The following TESK2 variants were observed in gnomAD, a reference collection of about 807,000 sequenced individuals.
TESK2 encodes dual specificity testis-specific protein kinase 2.
TESK2 carries 39 observed loss-of-function variants against 57.1 expected under a neutral mutation model. The observed-to-expected ratio is 0.68, with a 90% confidence interval of 0.53 to 0.89. The LOEUF (loss-of-function observed/expected upper bound fraction) is 0.89, where lower values mean the gene tolerates loss of function less well. Ranked by LOEUF, TESK2 falls within the 40% of genes least tolerant of loss-of-function variation. The pLI is 0.00. For missense variants in TESK2, 646 were observed against 732.1 expected, an observed-to-expected ratio of 0.88 and a Z score of 1.36; for synonymous variants, 249 against 267.9, an observed-to-expected ratio of 0.93 and a Z score of 0.69.
At chr1:45,436,178 C>CTTATTTTTTTTTTTTTT (rs1557573084) in intron 2 of TESK2, among the ~76,000 whole-genome samples, 1 of 12,970 alleles carries the variant, frequency 7.7e-5, no homozygotes, top group Non-Finnish European at 2.1e-4. Context: ...ACATTGGTAT[C>CTTATTTTTTTTTTTTTT]TTCTTTTTTT....
intron 1 of TESK2, among the ~76,000 whole-genome samples, chr1:45,478,617 C>A (rs555063804): frequency 3.3e-5 from 5 of 152,280 alleles, no homozygotes; most frequent in Admixed American, 3.3e-4. Flanking sequence ...TCTTACGGGC[C>A]AGGCACTATG....
chr1:45,346,765 G>A lies in TESK2; in HGVS notation c.807C>T (p.Asp269=). 1 of 1,614,098 alleles carries A rather than the reference G, an allele frequency of 6.2e-7. No homozygotes were observed. Among genetic ancestry groups the A allele is most frequent in the African/African-American group, 1.3e-5 (1 of 75,058 alleles). ...CCACCATGTGCTGGAAAGCATCATA[G>A]TCCAGCCCGAAATTCTGTGGATGGG... ...YLPRTENFGL[D]YDAFQHMVGD... is the part of the protein sequence containing the mutation. The change falls in exon 9 of 11, where the codon GAC becomes GAT. Residue 269 remains aspartate (D), a synonymous_variant. Coordinates refer to ENST00000372086, the MANE Select transcript of TESK2 (RefSeq NM_007170.3).
At chr1:45,474,866 A>T (rs1170640078) in intron 1 of TESK2, among the ~76,000 whole-genome samples, 1 of 151,662 alleles carries the variant, frequency 6.6e-6, no homozygotes, top group Non-Finnish European at 1.5e-5. Flanking sequence ...ATATGAAATA[A>T]CACAAAACTA....
chr1:45,417,600 T>TC (rs1365141252), intron 3 of TESK2, among the ~76,000 whole-genome samples: 1 of 150,262 alleles, frequency 6.7e-6, no homozygotes, highest in African/African-American at 2.4e-5. Flanking sequence ...TATGTTTTCT[T>TC]TTTTTTTTTG....
rs1427656681 is a variant in TESK2, at chr1:45,433,473, C to T, written c.223-11627G>A. Reference sequence around the variant, plus strand: ...TTCCCAGCCTCTGGTAACTATCATTCTACTCTTTACCTCTATGAGATCAAC... The same window carrying T: ...TTCCCAGCCTCTGGTAACTATCATTTTACTCTTTACCTCTATGAGATCAAC... On this transcript the variant is annotated intron_variant, in intron 2 of 10. Transcript: ENST00000372086. Among the ~76,000 whole-genome samples, 3 of 152,146 alleles carry T rather than the reference C, an allele frequency of 2.0e-5. No individual in the cohort carries two copies. The East Asian group carries it at 5.8e-4, about 29-fold the overall frequency.
At chr1:45,456,977 G>A (rs1652134385) in intron 2 of TESK2, among the ~76,000 whole-genome samples, 1 of 152,102 alleles carries the variant, frequency 6.6e-6, no homozygotes, top group Non-Finnish European at 1.5e-5. Context: ...GTGAAACAGG[G>A]AAATATGATT....
chr1:45,422,895 G>A (rs912567324), intron 2 of TESK2, among the ~76,000 whole-genome samples: 10 of 149,628 alleles, frequency 6.7e-5, no homozygotes, highest in Non-Finnish European at 1.0e-4. Context: ...TAAGCCTCCC[G>A]AGTAGCTGCG....
chr1:45,398,558 A>G (rs1386934503), intron 3 of TESK2, among the ~76,000 whole-genome samples: 1 of 152,042 alleles, frequency 6.6e-6, no homozygotes. Flanking sequence ...AAAAAATAAT[A>G]ATAAAAATAA....
intron 3 of TESK2, among the ~76,000 whole-genome samples, chr1:45,395,264 G>A (rs1003683182): frequency 6.6e-6 from 1 of 152,072 alleles, no homozygotes; most frequent in African/African-American, 2.4e-5. Flanking sequence ...AAACCTGGAT[G>A]GTATAGCCTA....
intron 4 of TESK2, among the ~76,000 whole-genome samples, chr1:45,384,614 T>A (rs796571676): frequency 6.1e-4 from 82 of 134,000 alleles, no homozygotes; most frequent in Middle Eastern, 3.5e-3. Flanking sequence ...TTTTTTTTTT[T>A]TTTTTTTTTT....
At chr1:45,398,834 G>C (rs1038038644) in intron 3 of TESK2, 12 of 388,790 alleles carry the variant, frequency 3.1e-5, no homozygotes, top group South Asian at 1.6e-4. Flanking sequence ...TTCTAGGCCT[G>C]TTCCATAAAA....
chr1:45,483,254 C>G (rs1424109370), intron 1 of TESK2, among the ~76,000 whole-genome samples: 1 of 150,038 alleles, frequency 6.7e-6, no homozygotes, highest in Non-Finnish European at 1.5e-5. Context: ...GCACTCCAGC[C>G]TGGACAATAG....
intron 2 of TESK2, among the ~76,000 whole-genome samples, chr1:45,432,092 A>G (rs1490979594): frequency 2.7e-5 from 4 of 148,874 alleles, no homozygotes; most frequent in African/African-American, 1.0e-4. Context: ...CAAAAAATAC[A>G]AAAAACGTTA....
At chr1:45,355,260 G>T in intron 5 of TESK2, 43 bp downstream of exon 5, 1 of 1,602,094 alleles carries the variant, frequency 6.2e-7, no homozygotes, top group South Asian at 1.1e-5. Flanking sequence ...CAAAAGAGAA[G>T]GGTGGTATCT....
At chr1:45,399,323 A>AT (rs901600502) in intron 3 of TESK2, among the ~76,000 whole-genome samples, 4 of 150,248 alleles carry the variant, frequency 2.7e-5, no homozygotes, top group Admixed American at 6.7e-5. Flanking sequence ...TAATTTTTGT[A>AT]TTTTTTTTGA....
At chr1:45,460,392 C>T (rs981102630) in intron 1 of TESK2, among the ~76,000 whole-genome samples, 38 of 152,056 alleles carry the variant, frequency 2.5e-4, no homozygotes, top group Admixed American at 2.4e-3. Flanking sequence ...TGGTGGCAGT[C>T]ACCTGTAATC....
chr1:45,387,754 C>A (rs1648960799), intron 3 of TESK2, among the ~76,000 whole-genome samples: 1 of 152,154 alleles, frequency 6.6e-6, no homozygotes, highest in Admixed American at 6.5e-5. Flanking sequence ...GTGGAAATAT[C>A]CCAGCATTTT....
In TESK2 at chr1:45,417,254, A is replaced by G. The variant is rs542006177; in HGVS notation, c.344+4471T>C. ...TCCTTCTTTTTTGTTGTTTTTTGAG[A>G]CAGTTTCGCTCTTGTTGCCCAGGCT... is the stretch of plus-strand genomic sequence containing the variant. On this transcript the variant is annotated intron_variant, in intron 3 of 10. Transcript: ENST00000372086. Among the ~76,000 whole-genome samples, 332 of 151,202 alleles carry G rather than the reference A, an allele frequency of 2.2e-3. 5 individuals are homozygous for G. The highest frequency in any genetic ancestry group is 7.7e-3 in the African/African-American group (319 of 41,246).
At position 45,486,998 on chromosome 1, in the gene TESK2, T is replaced by C. The variant is rs1570783959; in HGVS notation, c.-87+3854A>G. 6.0e-5 allele frequency among the ~76,000 whole-genome samples: 9 copies of C among 148,870 alleles called. No individual in the cohort carries two copies. In the South Asian group the frequency reaches 1.9e-3, roughly 32 times the overall value. On this transcript the variant is annotated intron_variant, in intron 1 of 10. Transcript: ENST00000372086. ...CCACCACGCCCAGCTAATTTTTGTA[T>C]TTTTTTTTTCAGTAGAGACAGGGTT...
Sources: gnomAD v4.1 joint callset for allele counts (sites outside exome capture counted in the v4.1 genomes callset) on GRCh38, gnomAD v4.1.1 for gene constraint, MANE v1.5 for transcripts, NCBI Gene and HGNC (gene_info 2026-07-23, HGNC 2026-07-21) for gene names.